The following AGAP1 variants were observed in gnomAD, a reference collection of about 807,000 sequenced individuals.
AGAP1 encodes arf-GAP with GTPase, ANK repeat and PH domain-containing protein 1.
In AGAP1, 29 loss-of-function variants were observed where a neutral mutation model predicts 105.3. That is an observed-to-expected ratio of 0.28 (90% CI 0.21 to 0.38). The LOEUF (loss-of-function observed/expected upper bound fraction) is 0.38, where lower values mean the gene tolerates loss of function less well. AGAP1 is among the 10% of genes least tolerant of loss of function. The pLI is 1.00. For synonymous variants in AGAP1, 509 were observed against 485.9 expected (o/e 1.05, Z -0.63); for missense variants, 998 against 1,165.1 (o/e 0.86, Z 2.09).
rs1002429806 is a variant in AGAP1, at chr2:236,009,782, T to G, written c.1646-26779T>G. On this transcript the variant is annotated intron_variant, in intron 13 of 17. Coordinates refer to ENST00000304032, the MANE Select transcript of AGAP1 (RefSeq NM_001037131.3). This position sits in a 1 kb window ranked among gnomAD's most constrained non-coding sequence, Gnocchi z 4.2. ...GCTCGGTTCACGCCAAGGATGTAAT[T>G]CATGCACACTTGGACGTCCAACATG... 2.0e-4 allele frequency among the ~76,000 whole-genome samples: 31 copies of G among 152,292 alleles called. No homozygotes were observed. The highest frequency in any genetic ancestry group is 6.7e-4 in the African/African-American group (28 of 41,568).
At chr2:235,711,436 A>G (rs1407213196) in intron 2 of AGAP1, among the ~76,000 whole-genome samples, 8 of 152,234 alleles carry the variant, frequency 5.3e-5, no homozygotes, top group Admixed American at 2.0e-4. Context: ...AAAGCATATG[A>G]TTTTCTGGAA....
rs906803483 is a variant in AGAP1 at position 235,865,936 on chromosome 2, T to C, written c.1051-17409T>C. On this transcript the variant is annotated intron_variant, in intron 9 of 17. Transcript: ENST00000304032. The surrounding 1 kb of genome is among the most constrained non-coding windows in gnomAD (Gnocchi z 6.2). Reference sequence around the variant, plus strand: ...GTGTTTTTGCACACAACGAATGATTTCTATGTTATCGATTTACTTCTTTCA... The same window carrying C: ...GTGTTTTTGCACACAACGAATGATTCCTATGTTATCGATTTACTTCTTTCA... Among the ~76,000 whole-genome samples the C allele has an allele frequency of 6.6e-6, 1 of 152,216 alleles. No homozygotes were observed. Among genetic ancestry groups the C allele is most frequent in the East Asian group, 1.9e-4 (1 of 5,196 alleles).
chr2:235,646,923 C>A (rs1006974468), intron 1 of AGAP1, among the ~76,000 whole-genome samples: 2 of 152,130 alleles, frequency 1.3e-5, no homozygotes, highest in African/African-American at 4.8e-5. Context: ...ATCACGAGGT[C>A]AGGAGATGGA....
At chr2:235,637,581 C>T (rs1307241695) in intron 1 of AGAP1, among the ~76,000 whole-genome samples, 1 of 152,094 alleles carries the variant, frequency 6.6e-6, no homozygotes, top group Non-Finnish European at 1.5e-5. Flanking sequence ...CGTGCTCGGC[C>T]TTCATTATTA....
chr2:235,502,717 T>TC (rs1941616079), intron 1 of AGAP1, among the ~76,000 whole-genome samples: 1 of 151,514 alleles, frequency 6.6e-6, no homozygotes, highest in Admixed American at 6.6e-5. Flanking sequence ...TTTTTTTTTT[T>TC]TTTTAAGGGT....
rs2053840228 is a variant in AGAP1, at chr2:235,953,835, A to C, written c.1484-14627A>C. Among the ~76,000 whole-genome samples, 1 of 152,162 alleles carries C rather than the reference A, an allele frequency of 6.6e-6. No individual in the cohort carries two copies. The highest frequency in any genetic ancestry group is 6.5e-5 in the Admixed American group (1 of 15,284). On this transcript the variant is annotated intron_variant, in intron 12 of 17. Transcript: ENST00000304032. The surrounding 1 kb of genome is among the most constrained non-coding windows in gnomAD (Gnocchi z 5.2). ...CTCCTTGGGAGGCTGAGGCAGGAGGATCGCTGGAGCCCCAGGAGTTCAAGG... is the reference window on the plus strand; with the variant it reads ...CTCCTTGGGAGGCTGAGGCAGGAGGCTCGCTGGAGCCCCAGGAGTTCAAGG...
intron 9 of AGAP1, among the ~76,000 whole-genome samples, chr2:235,814,909 G>T (rs767556295): frequency 6.6e-6 from 1 of 152,178 alleles, no homozygotes; most frequent in Non-Finnish European, 1.5e-5. Flanking sequence ...TGTAGGAGCA[G>T]TGGTGTTGGG....
chr2:235,850,206 A>G (rs1962029200), intron 9 of AGAP1, among the ~76,000 whole-genome samples: 2 of 152,236 alleles, frequency 1.3e-5, no homozygotes, highest in African/African-American at 4.8e-5. Flanking sequence ...AGCCAAAGGA[A>G]TGGAGATTCT....
chr2:235,718,827 C>G (rs1460898558), intron 3 of AGAP1, among the ~76,000 whole-genome samples: 2 of 152,098 alleles, frequency 1.3e-5, no homozygotes, highest in African/African-American at 4.8e-5. Flanking sequence ...GAAAGCTTGC[C>G]TGTTCACTGA....
intron 1 of AGAP1, among the ~76,000 whole-genome samples, chr2:235,563,505 G>A (rs1374349115): frequency 6.6e-6 from 1 of 150,434 alleles, no homozygotes; most frequent in Non-Finnish European, 1.5e-5. Flanking sequence ...TTGGATCCAG[G>A]GTCCTCAGCA....
At position 235,616,032 on chromosome 2, in the gene AGAP1, T is replaced by G. The variant is rs1195495525; in HGVS notation, c.164-93147T>G. On this transcript the variant is annotated intron_variant, in intron 1 of 17. Coordinates refer to ENST00000304032, the MANE Select transcript of AGAP1 (RefSeq NM_001037131.3). ...AGGAGCAATTAAGATATAAATATAT[T>G]TGGCTTTGTTGATTAAAGAGTAACA... Among the ~76,000 whole-genome samples, 3 of 152,124 alleles carry G rather than the reference T, an allele frequency of 2.0e-5. No homozygotes were observed. In the East Asian group the frequency reaches 5.8e-4, roughly 29 times the overall value.
rs80062437 is a variant in AGAP1 at position 235,713,969 on chromosome 2, A to G, written c.223-3588A>G. On this transcript the variant is annotated intron_variant, in intron 2 of 17. Coordinates refer to ENST00000304032, the MANE Select transcript of AGAP1 (RefSeq NM_001037131.3). ...CCACAACTGCCACACCTCGTAATAC[A>G]ATCACCTTGGGGATTAGGTTTCTTT... is the stretch of plus-strand genomic sequence containing the variant. Among the ~76,000 whole-genome samples the G allele has an allele frequency of 1.1e-4, 17 of 152,164 alleles. No homozygotes were observed. In the East Asian group the frequency reaches 3.3e-3, roughly 29 times the overall value.
rs1944020102 is a variant in AGAP1, at chr2:235,557,817, G to A, written c.163+62968G>A. 1.3e-5 allele frequency among the ~76,000 whole-genome samples: 2 copies of A among 152,184 alleles called. No individual in the cohort carries two copies. Among genetic ancestry groups the A allele is most frequent in the Admixed American group, 1.3e-4 (2 of 15,280 alleles). On this transcript the variant is annotated intron_variant, in intron 1 of 17. Coordinates refer to ENST00000304032, the MANE Select transcript of AGAP1 (RefSeq NM_001037131.3). This position sits in a 1 kb window ranked among gnomAD's most constrained non-coding sequence, Gnocchi z 4.7. ...AAAACAACGGACTTGGCTACATTTCGACAAGGGGAAGTTAGACACTTTAGA... is the reference window on the plus strand; with the variant it reads ...AAAACAACGGACTTGGCTACATTTCAACAAGGGGAAGTTAGACACTTTAGA...
chr2:235,653,369 C>T (rs910367657), intron 1 of AGAP1, among the ~76,000 whole-genome samples: 3 of 151,952 alleles, frequency 2.0e-5, no homozygotes, highest in African/African-American at 7.3e-5. Context: ...GAGGCTGAGG[C>T]AGGAGAATGG....
chr2:235,746,307 T>C (rs2149686454), intron 5 of AGAP1, among the ~76,000 whole-genome samples: 1 of 142,040 alleles, frequency 7.0e-6, no homozygotes, highest in African/African-American at 2.6e-5. Flanking sequence ...AAAACAAAAC[T>C]ATAAGTATCT....
chr2:235,662,485 A>C lies in AGAP1; in HGVS notation c.164-46694A>C, dbSNP rs184464074. On this transcript the variant is annotated intron_variant, in intron 1 of 17. Coordinates refer to ENST00000304032, the MANE Select transcript of AGAP1 (RefSeq NM_001037131.3). This position sits in a 1 kb window ranked among gnomAD's most constrained non-coding sequence, Gnocchi z 4.2. ...TCCCAATTTAGTTTATCATTCCCCTACTTGGTCTGTCTGCCTTCATGGAAG... is the reference window on the plus strand; with the variant it reads ...TCCCAATTTAGTTTATCATTCCCCTCCTTGGTCTGTCTGCCTTCATGGAAG... Among the ~76,000 whole-genome samples the C allele has an allele frequency of 2.1e-5, 3 of 145,996 alleles. No individual in the cohort carries two copies. The East Asian group carries it at 6.1e-4, about 29-fold the overall frequency.
rs1224326360 is a variant in AGAP1 at position 235,744,277 on chromosome 2, A to AG, written c.397-419dup. ...CTGAGCAGGCATGAGGGGTCCAGCA[A>AG]GGCTTCCTTAAGAGGTTGAGAGTAC... On this transcript the variant is annotated intron_variant, in intron 4 of 17. Transcript: ENST00000304032. The surrounding 1 kb of genome is among the most constrained non-coding windows in gnomAD (Gnocchi z 5.2). 2.0e-5 allele frequency among the ~76,000 whole-genome samples: 3 copies of AG among 152,128 alleles called. No homozygotes were observed. Among genetic ancestry groups the AG allele is most frequent in the African/African-American group, 7.2e-5 (3 of 41,428 alleles).
rs1944356111 is a variant in AGAP1 at position 235,566,665 on chromosome 2, G to A, written c.163+71816G>A. On this transcript the variant is annotated intron_variant, in intron 1 of 17. Coordinates refer to ENST00000304032, the MANE Select transcript of AGAP1 (RefSeq NM_001037131.3). This position sits in a 1 kb window ranked among gnomAD's most constrained non-coding sequence, Gnocchi z 5.2. ...CCTTCCTCATGCCGCAGGACCAGCC[G>A]GGACCGGGGAGAGGCTGTTCGAGGA... is the stretch of plus-strand genomic sequence containing the variant. 3 of 929,144 alleles carry A rather than the reference G, an allele frequency of 3.2e-6. No homozygotes were observed. Among genetic ancestry groups the A allele is most frequent in the Non-Finnish European group, 2.6e-6 (2 of 778,628 alleles). The allele number at this position is 929,144 out of a possible 1,614,324, so 57.6% of individuals were successfully genotyped here. A position where few individuals can be genotyped will look rare whatever the true frequency, so the allele number is the denominator to read the frequency against.
rs566481233 is a variant in AGAP1 at position 236,020,303 on chromosome 2, T to C, written c.1646-16258T>C. 6.6e-6 allele frequency among the ~76,000 whole-genome samples: 1 copy of C among 152,296 alleles called. No individual in the cohort carries two copies. The highest frequency in any genetic ancestry group is 1.9e-4 in the East Asian group (1 of 5,184). ...AGATTCTCTCTGTTTTCAAAGAAAA[T>C]TGCAGTGTTTGAACGTTGTTTATGT... On this transcript the variant is annotated intron_variant, in intron 13 of 17. Transcript: ENST00000304032. This position sits in a 1 kb window ranked among gnomAD's most constrained non-coding sequence, Gnocchi z 5.0.
Sources: allele counts gnomAD v4.1 joint callset (sites outside exome capture counted in the v4.1 genomes callset), GRCh38; gene constraint gnomAD v4.1.1; non-coding constraint Gnocchi (gnomAD v3.1); transcripts MANE v1.5; gene names NCBI Gene and HGNC (gene_info 2026-07-23, HGNC 2026-07-21).